EMID1: variants seen among roughly 807,000 people sequenced by gnomAD.
The protein encoded by EMID1 is EMI domain containing 1.
A neutral mutation model predicts 60.6 loss-of-function variants in EMID1; 40 were observed. The ratio of observed to expected loss-of-function variants is 0.66; its 90% confidence interval spans 0.51 to 0.86. The LOEUF (loss-of-function observed/expected upper bound fraction) is 0.86. EMID1 is among the 40% of genes least tolerant of loss of function. The pLI, the probability that EMID1 is intolerant of heterozygous loss-of-function variation, is 0.00. For synonymous variants in EMID1, 242 were observed against 231.0 expected, an observed-to-expected ratio of 1.05 and a Z score of -0.43; for missense variants, 585 against 597.1, an observed-to-expected ratio of 0.98 and a Z score of 0.21.
chr22:29,216,187 C>A, intron 3 of EMID1: 2 of 473,778 alleles, frequency 4.2e-6, no homozygotes, highest in Non-Finnish European at 5.5e-6. Context: ...GGACTTCTCT[C>A]ACCCCACCTG....
chr22:29,215,288 T>A, intron 2 of EMID1: 2 of 984,874 alleles, frequency 2.0e-6, no homozygotes, highest in East Asian at 1.1e-4. Flanking sequence ...CACGCTGGGC[T>A]CAGGCCAGCC....
rs1207149220 is a variant in EMID1, at chr22:29,234,317, G to A, written c.1042G>A (p.Glu348Lys). ...GEKGERGLRG[E>K]PGPQGSAGQR... ...CCCTCTTACACAGGGACTGCGTGGG[G>A]AGCCTGGCCCCCAAGGCTCTGCTGG... Residue 348 changes from glutamate to lysine, a missense_variant, in exon 12 of 15, where the codon GAG (glutamate) becomes AAG (lysine). Transcript: ENST00000334018. 1.1e-5 allele frequency: 18 copies of A among 1,613,972 alleles called. No individual in the cohort carries two copies. The highest frequency in any genetic ancestry group is 7.7e-5 in the South Asian group (7 of 91,064).
intron 12 of EMID1, among the ~76,000 whole-genome samples, chr22:29,241,779 A>G (rs1403793019): frequency 7.3e-6 from 1 of 136,402 alleles, no homozygotes; most frequent in African/African-American, 2.5e-5. Context: ...AAAAAGGTCA[A>G]CATTTCCCCA....
At position 29,231,018 on chromosome 22, in the gene EMID1, A is replaced by G. The variant is rs1264325979; in HGVS notation, c.466-2A>G. On this transcript the variant is annotated splice_acceptor_variant, in intron 5 of 14. Transcript: ENST00000334018. LOFTEE classifies it high-confidence loss of function. ...CCACCCCGTCCCTGTCTTCCTCTTC[A>G]GATGACCATGCTGACTGTCATAGAG... The G allele has an allele frequency of 6.2e-7, 1 of 1,612,862 alleles. No homozygotes were observed. The highest frequency in any genetic ancestry group is 1.1e-5 in the South Asian group (1 of 90,928).
intron 13 of EMID1, among the ~76,000 whole-genome samples, chr22:29,253,306 G>C (rs2041589952): frequency 6.6e-6 from 1 of 152,196 alleles, no homozygotes; most frequent in African/African-American, 2.4e-5. Context: ...TGTTTGGCTG[G>C]GCGCGGTGGC....
chr22:29,233,278 G>A, intron 8 of EMID1, 101 bp from the exon 9 acceptor site: 2 of 1,249,498 alleles, frequency 1.6e-6, no homozygotes, highest in East Asian at 2.3e-5. Flanking sequence ...GCTGCAGGCT[G>A]CCCCATAGGG....
Position 29,233,448 on chromosome 22 carries a change from C to T in EMID1, c.893C>T (p.Pro298Leu). Residue 298 changes from proline to leucine, a missense_variant, in exon 9 of 15, where the codon CCA becomes CTA. By Grantham distance (98) the Pro-to-Leu change is moderately conservative (BLOSUM62 -3). Coordinates refer to ENST00000334018, the MANE Select transcript of EMID1 (RefSeq NM_133455.4). ...NHWPQGPTGP[P>L]GPPGPMGPPG... ...TGGCCCCAGGGACCCACTGGGCCTC[C>T]AGGCCCTCCAGGGCCCATGGGTAAG... 9 of 1,614,198 alleles carry T rather than the reference C, an allele frequency of 5.6e-6. No individual in the cohort carries two copies. The highest frequency in any genetic ancestry group is 7.6e-6 in the Non-Finnish European group (9 of 1,180,000).
At chr22:29,208,264 C>T (rs112984977) in intron 1 of EMID1, among the ~76,000 whole-genome samples, 16 of 152,290 alleles carry the variant, frequency 1.1e-4, no homozygotes, top group African/African-American at 2.4e-4. Context: ...AGGGACCAGA[C>T]GCAGAAAAGA....
intron 2 of EMID1, 137 bp downstream of exon 2, chr22:29,215,176 G>A (rs1347722170): frequency 1.1e-5 from 16 of 1,420,222 alleles, no homozygotes; most frequent in South Asian, 9.4e-5. Flanking sequence ...AGCATCAGCC[G>A]ACACCATTCT....
chr22:29,253,986 T>C (rs918819053), intron 13 of EMID1: 6 of 985,436 alleles, frequency 6.1e-6, no homozygotes, highest in Non-Finnish European at 7.2e-6. Flanking sequence ...AACGGGACCT[T>C]CTGGGAGGTC....
At chr22:29,234,475 C>T (rs1488779205) in intron 12 of EMID1, 126 bp downstream of exon 12, 20 of 1,126,042 alleles carry the variant, frequency 1.8e-5, no homozygotes, top group Non-Finnish European at 1.3e-5. Flanking sequence ...TTTTCAGATG[C>T]TCCCTGTCTC....
intron 13 of EMID1, among the ~76,000 whole-genome samples, chr22:29,245,497 C>T (rs1216293651): frequency 7.2e-5 from 11 of 152,226 alleles, no homozygotes; most frequent in Admixed American, 6.5e-4. Flanking sequence ...TGCCCCTCTT[C>T]TACCTGCACT....
chr22:29,232,117 C>T, intron 7 of EMID1, 139 bp from the exon 8 acceptor site: 3 of 908,586 alleles, frequency 3.3e-6, no homozygotes, highest in Non-Finnish European at 5.2e-6. Flanking sequence ...CCCTGTTAGA[C>T]TACCAGGCAG....
At chr22:29,257,503 T>A (rs2041744834) in intron 14 of EMID1, among the ~76,000 whole-genome samples, 1 of 152,026 alleles carries the variant, frequency 6.6e-6, no homozygotes, top group South Asian at 2.1e-4. Context: ...ATGGTCAGGC[T>A]AGGGGTCCAC....
At chr22:29,256,020 A>G (rs548777398) in intron 14 of EMID1, among the ~76,000 whole-genome samples, 19 of 152,212 alleles carry the variant, frequency 1.2e-4, no homozygotes, top group African/African-American at 1.9e-4. Context: ...ATCTCTCCCC[A>G]TGAAACTGGA....
At chr22:29,220,910 G>A (rs1041282705) in intron 3 of EMID1, among the ~76,000 whole-genome samples, 1 of 152,106 alleles carries the variant, frequency 6.6e-6, no homozygotes, top group Admixed American at 6.6e-5. Flanking sequence ...AACACTGGCC[G>A]TGTGGAGGTC....
At chr22:29,210,484 C>T (rs887746096) in intron 1 of EMID1, among the ~76,000 whole-genome samples, 25 of 152,038 alleles carry the variant, frequency 1.6e-4, no homozygotes, top group African/African-American at 5.6e-4. Context: ...GATCCACCTG[C>T]CTCAGCCTCC....
intron 12 of EMID1, among the ~76,000 whole-genome samples, chr22:29,239,908 T>C (rs6006070): frequency 9.6e-5 from 11 of 114,920 alleles, no homozygotes; most frequent in East Asian, 3.3e-4. Flanking sequence ...TACAGGCGCC[T>C]GCCACCACAC....
At position 29,239,786 on chromosome 22, in the gene EMID1, C is replaced by G. The variant is rs1025838402; in HGVS notation, c.1075-3659C>G. Among the ~76,000 whole-genome samples, 7 of 146,632 alleles carry G rather than the reference C, an allele frequency of 4.8e-5. No individual in the cohort carries two copies. The South Asian group carries it at 1.5e-3, about 31-fold the overall frequency. On this transcript the variant is annotated intron_variant, in intron 12 of 14. Transcript: ENST00000334018. ...CTTTTTTTTTTTTTTGAGACAGAGTCTCACTCTGTCTCCCAGGCACTGGAG... is the reference window on the plus strand; with the variant it reads ...CTTTTTTTTTTTTTTGAGACAGAGTGTCACTCTGTCTCCCAGGCACTGGAG...
Sources: gnomAD v4.1 joint callset for allele counts (sites outside exome capture counted in the v4.1 genomes callset) on GRCh38, gnomAD v4.1.1 for gene constraint, MANE v1.5 for transcripts, NCBI Gene and HGNC (gene_info 2026-07-23, HGNC 2026-07-21) for gene names.